The following KDM4C variants were observed in gnomAD, a reference collection of about 807,000 sequenced individuals.
The protein encoded by KDM4C is lysine-specific demethylase 4C.
Under a neutral mutation model 129.3 loss-of-function variants are expected in KDM4C, and 81 were observed. The ratio of observed to expected loss-of-function variants is 0.63; its 90% CI spans 0.52 to 0.75. KDM4C has a LOEUF of 0.75. Among genes scored for constraint, KDM4C ranks in the 30% least tolerant of loss-of-function variants. The probability of loss-of-function intolerance (pLI) is 0.00; values close to 1 mark genes in which losing one functional copy is unlikely to be tolerated. For missense variants in KDM4C, 1,457 were observed against 1,304.0 expected, an observed-to-expected ratio of 1.12 and a Z score of -1.81; for synonymous variants, 573 against 456.1, an observed-to-expected ratio of 1.26 and a Z score of -3.26.
chr9:7,051,039 T>C (rs1459964662), intron 17 of KDM4C, among the ~76,000 whole-genome samples: 2 of 152,176 alleles, frequency 1.3e-5, no homozygotes, highest in Non-Finnish European at 2.9e-5. Context: ...AAAAGTCTAT[T>C]CAAATGATAA....
At chr9:7,002,855 T>C (rs912683696) in intron 12 of KDM4C, among the ~76,000 whole-genome samples, 4 of 152,190 alleles carry the variant, frequency 2.6e-5, no homozygotes, top group Admixed American at 6.5e-5. Flanking sequence ...AATTCCAAAG[T>C]TTACACTCTA....
upstream of KDM4C, chr9:6,757,702 C>A: frequency 3.0e-6 from 3 of 985,530 alleles, no homozygotes; most frequent in Non-Finnish European, 3.6e-6. Context: ...CAGGTCCAGC[C>A]CTGCGGGACC....
At chr9:7,153,076 C>T (rs1842859696) in intron 19 of KDM4C, among the ~76,000 whole-genome samples, 1 of 152,028 alleles carries the variant, frequency 6.6e-6, no homozygotes, top group Non-Finnish European at 1.5e-5. Context: ...TATATAGAAG[C>T]TCAGAATTAC....
intron 1 of KDM4C, among the ~76,000 whole-genome samples, chr9:6,770,683 A>T: frequency 7.2e-6 from 1 of 138,952 alleles, no homozygotes; most frequent in African/African-American, 2.7e-5. Context: ...GGATGGTCAG[A>T]TTATTGTGTT....
At chr9:7,169,421 T>TG (rs1302106663) in intron 20 of KDM4C, among the ~76,000 whole-genome samples, 1 of 152,212 alleles carries the variant, frequency 6.6e-6, no homozygotes, top group Non-Finnish European at 1.5e-5. Context: ...CTACAACCTC[T>TG]GCCTCCCAGC....
chr9:6,914,210 C>T (rs563881639), intron 8 of KDM4C, among the ~76,000 whole-genome samples: 14 of 152,220 alleles, frequency 9.2e-5, no homozygotes, highest in African/African-American at 2.6e-4. Context: ...CAGCCATGCG[C>T]CACCATGTTC....
intron 8 of KDM4C, among the ~76,000 whole-genome samples, chr9:6,904,004 C>T (rs562629433): frequency 1.3e-5 from 2 of 152,250 alleles, no homozygotes; most frequent in East Asian, 3.9e-4. Flanking sequence ...CTTTGAGAGG[C>T]TGAGGTGGGC....
intron 5 of KDM4C, among the ~76,000 whole-genome samples, chr9:6,863,313 C>T (rs189739534): frequency 1.6e-4 from 24 of 152,244 alleles, no homozygotes; most frequent in Non-Finnish European, 2.8e-4. Context: ...TTCCATCTGA[C>T]TTTCCTTGTG....
intron 5 of KDM4C, among the ~76,000 whole-genome samples, chr9:6,864,486 T>C: frequency 6.6e-6 from 1 of 152,176 alleles, no homozygotes; most frequent in Non-Finnish European, 1.5e-5. Flanking sequence ...GGTAATCTTA[T>C]TTGGGTCATA....
intron 19 of KDM4C, among the ~76,000 whole-genome samples, chr9:7,164,921 C>G (rs1844215873): frequency 6.6e-6 from 1 of 152,166 alleles, no homozygotes; most frequent in South Asian, 2.1e-4. Context: ...ATTAGCTGGT[C>G]TATTCCTCAG....
chr9:6,993,531 C>T (rs1055297228), intron 12 of KDM4C, among the ~76,000 whole-genome samples: 4 of 152,110 alleles, frequency 2.6e-5, no homozygotes, highest in African/African-American at 2.4e-5. Context: ...AGGATATGTA[C>T]GTATTCTTCT....
chr9:6,720,890 A>C, exon 1 of KDM4C: 1 of 1,460,284 alleles, frequency 6.8e-7, no homozygotes, highest in Non-Finnish European at 9.4e-7. Context: ...CTGTGACCTG[A>C]AAGTTGTTGA....
intron 2 of KDM4C, among the ~76,000 whole-genome samples, chr9:6,802,521 A>G (rs910286042): frequency 5.9e-5 from 9 of 152,252 alleles, no homozygotes; most frequent in African/African-American, 2.2e-4. Context: ...CCACATGCCC[A>G]TCAATGGTTA....
At chr9:7,045,785 C>G (rs530673973) in intron 15 of KDM4C, among the ~76,000 whole-genome samples, 6 of 152,008 alleles carry the variant, frequency 3.9e-5, no homozygotes, top group African/African-American at 7.2e-5. Context: ...TTATTACTGC[C>G]TAACAAAAGT....
chr9:7,165,229 A>C lies in KDM4C; in HGVS notation c.2782-9A>C. 1 of 1,613,536 alleles carries C rather than the reference A, an allele frequency of 6.2e-7. No individual in the cohort carries two copies. Among genetic ancestry groups the C allele is most frequent in the Non-Finnish European group, 8.5e-7 (1 of 1,179,846 alleles). Reference sequence around the variant, plus strand: ...CCTTTTGAAAAGCCTGTCTCTGTTTATTCTGCAGAGCCGAGACTGTCTGAA... The same window carrying C: ...CCTTTTGAAAAGCCTGTCTCTGTTTCTTCTGCAGAGCCGAGACTGTCTGAA... On this transcript the variant is annotated splice_polypyrimidine_tract_variant and intron_variant, in intron 19 of 21. Transcript: ENST00000381309.
Position 7,147,265 on chromosome 9 carries a change from C to T in KDM4C, c.2782-17973C>T, listed in dbSNP as rs373400464. On this transcript the variant is annotated intron_variant, in intron 19 of 21. Coordinates refer to ENST00000381309, the MANE Select transcript of KDM4C (RefSeq NM_015061.6). The stretch of plus-strand genomic sequence containing the variant: ...GTACATGCATCACTTCAGTGTGAAG[C>T]GTCCTGGGTAGGTCAAGCTGTGCTC... Among the ~76,000 whole-genome samples the T allele has an allele frequency of 1.1e-4, 17 of 152,300 alleles. 1 individual carries two copies. In the East Asian group the frequency reaches 1.9e-3, roughly 17 times the overall value.
chr9:7,098,998 A>T (rs1783814831), intron 17 of KDM4C, among the ~76,000 whole-genome samples: 1 of 152,202 alleles, frequency 6.6e-6, no homozygotes, highest in African/African-American at 2.4e-5. Context: ...AGCAATAGTG[A>T]TGTCCGTTGA....
At chr9:7,139,173 G>A (rs1488231220) in intron 19 of KDM4C, among the ~76,000 whole-genome samples, 4 of 152,160 alleles carry the variant, frequency 2.6e-5, no homozygotes, top group Admixed American at 6.5e-5. Flanking sequence ...TACTCAGGAG[G>A]CTGAGGTGGG....
Position 7,103,764 on chromosome 9 carries a change from C to G in KDM4C, c.2504C>G (p.Ser835Cys), listed in dbSNP as rs1254280735. 1 of 1,614,036 alleles carries G rather than the reference C, an allele frequency of 6.2e-7. No homozygotes were observed. Among genetic ancestry groups the G allele is most frequent in the Non-Finnish European group, 8.5e-7 (1 of 1,179,966 alleles). Residue 835 changes from serine to cysteine, a missense_variant, in exon 18 of 22, where the codon TCC becomes TGC. By Grantham distance (112) the Ser-to-Cys change is moderately radical. Transcript: ENST00000381309. ...IQCSYGRCPASFHVTCAHAAG... is the reference protein window; with the variant it reads ...IQCSYGRCPACFHVTCAHAAG... ...TGTTCCTACGGTCGCTGCCCGGCCT[C>G]CTTCCATGTCACTTGTGCCCATGCT...
Sources: gnomAD v4.1 joint callset for allele counts (sites outside exome capture counted in the v4.1 genomes callset) on GRCh38, gnomAD v4.1.1 for gene constraint, MANE v1.5 for transcripts, NCBI Gene and HGNC (gene_info 2026-07-23, HGNC 2026-07-21) for gene names.